DHH: variants seen among roughly 807,000 people sequenced by gnomAD.
DHH encodes the protein desert hedgehog protein.
Under a neutral mutation model 27.6 loss-of-function variants are expected in DHH, and 16 were observed. The observed-to-expected ratio is 0.58, with a 90% CI of 0.39 to 0.88. The LOEUF (loss-of-function observed/expected upper bound fraction) is 0.88, where lower values mean the gene tolerates loss of function less well. Among genes scored for constraint, DHH ranks in the 40% least tolerant of loss-of-function variants. DHH has a pLI of 0.00. For synonymous variants in DHH, 289 were observed against 263.4 expected (o/e 1.10, Z -0.94); for missense variants, 436 against 563.1 (o/e 0.77, Z 2.28).
At position 49,089,940 on chromosome 12, in the gene DHH, G is replaced by T; in HGVS notation, c.1110C>A (p.Leu370=). The stretch of plus-strand genomic sequence containing the variant: ...CAGTCGGCTGGACGGCCCCGCCGGG[G>T]AGCAGCGCCCCTAGCGCGTGCAGCA... ...LRLLHALGAL[L]PGGAVQPTGM... The change falls in exon 3 of 3, where the codon CTC becomes CTA. Residue 370 remains leucine (L), a synonymous_variant. Transcript: ENST00000649637. 4 of 1,583,628 alleles carry T rather than the reference G, an allele frequency of 2.5e-6. No homozygotes were observed. The highest frequency in any genetic ancestry group is 3.4e-6 in the Non-Finnish European group (4 of 1,165,904).
intron 1 of DHH, among the ~76,000 whole-genome samples, chr12:49,092,527 C>A (rs1257311142): frequency 6.6e-6 from 1 of 152,216 alleles, no homozygotes; most frequent in Non-Finnish European, 1.5e-5. Flanking sequence ...GACCTCTCAC[C>A]TCGGACTTGG....
intron 1 of DHH, among the ~76,000 whole-genome samples, 194 bp downstream of exon 1, chr12:49,094,016 C>G (rs1053950235): frequency 1.3e-5 from 2 of 152,208 alleles, no homozygotes; most frequent in Admixed American, 6.5e-5. Context: ...CCATCCCAGA[C>G]TATTCTAGTC....
Position 49,090,073 on chromosome 12 carries a change from G to A in DHH, c.977C>T (p.Ala326Val). Residue 326 changes from alanine (A) to valine (V), a missense_variant, in exon 3 of 3, where the codon GCG (alanine) becomes GTG (valine). Ala to Val is a moderately conservative substitution (Grantham distance 64, BLOSUM62 0). Transcript: ENST00000649637. The surrounding 1 kb of genome is among the most constrained non-coding windows in gnomAD (Gnocchi z 5.2). ...CAGCGTCCCGTGCGCGGTGAGCGGC[G>A]CGAACACGCCCACGGCTTCCTCCCG... Reference protein sequence around the residue: ...VAREEAVGVFAPLTAHGTLLV... With the variant: ...VAREEAVGVFVPLTAHGTLLV... The A allele has an allele frequency of 4.6e-6, 7 of 1,538,186 alleles. No homozygotes were observed. The highest frequency in any genetic ancestry group is 5.2e-6 in the Non-Finnish European group (6 of 1,143,042).
Position 49,093,585 on chromosome 12 carries a change from G to A in DHH, c.303+625C>T, listed in dbSNP as rs569850983. On this transcript the variant is annotated intron_variant, in intron 1 of 2. Coordinates refer to ENST00000649637, the MANE Select transcript of DHH (RefSeq NM_021044.4). ...GGTGGGTCCATCTGTTATTCTCACTGAGGATTACTTTTTAACCCCAAGATT... is the reference window on the plus strand; with the variant it reads ...GGTGGGTCCATCTGTTATTCTCACTAAGGATTACTTTTTAACCCCAAGATT... 2.6e-5 allele frequency among the ~76,000 whole-genome samples: 4 copies of A among 152,256 alleles called. No homozygotes were observed. In the South Asian group the frequency reaches 8.3e-4, roughly 32 times the overall value.
In DHH at chr12:49,088,069, ACT is replaced by A; in HGVS notation, c.*1788_*1789del. Among the ~76,000 whole-genome samples, 1 of 152,166 alleles carries A rather than the reference ACT, an allele frequency of 6.6e-6. No homozygotes were observed. The highest frequency in any genetic ancestry group is 3.4e-3 in the Middle Eastern group (1 of 294). ...ATGCTTTCACCTCCTTGACAATTGA[ACT>A]CAAGGGTCATGAGGGTGAGGGACAT... On this transcript the variant is annotated 3_prime_UTR_variant, in exon 3 of 3. Transcript: ENST00000649637.
Position 49,090,673 on chromosome 12 carries a change from A to G in DHH, c.566-189T>C, listed in dbSNP as rs894123862. ...TTCCTTTTTCTTCTCTTTTCTATGT[A>G]TGTATGTATGTATGTATGTATGTAT... On this transcript the variant is annotated intron_variant, in intron 2 of 2. Coordinates refer to ENST00000649637, the MANE Select transcript of DHH (RefSeq NM_021044.4). The surrounding 1 kb of genome is among the most constrained non-coding windows in gnomAD (Gnocchi z 5.2). 7.3e-6 allele frequency among the ~76,000 whole-genome samples: 1 copy of G among 137,456 alleles called. No individual in the cohort carries two copies. Among genetic ancestry groups the G allele is most frequent in the African/African-American group, 2.8e-5 (1 of 35,624 alleles). The allele number at this position is 137,456 out of a possible 152,430, so 90.2% of individuals were successfully genotyped here.
At position 49,091,353 on chromosome 12, in the gene DHH, C is replaced by T. The variant is rs151266946; in HGVS notation, c.340G>A (p.Val114Met). ...CGCACTCCGGGCCACATGTTCATCA[C>T]GGCAATGGCCAAAGCGTTCACCCGC... ...KERVNALAIAVMNMWPGVRLR... is the reference protein window; with the variant it reads ...KERVNALAIAMMNMWPGVRLR... Residue 114 changes from valine (V) to methionine (M), a missense_variant, in exon 2 of 3, where the codon GTG becomes ATG. Transcript: ENST00000649637. The surrounding 1 kb of genome is among the most constrained non-coding windows in gnomAD (Gnocchi z 4.8). 5.2e-5 allele frequency: 84 copies of T among 1,614,096 alleles called. No homozygotes were observed. Among genetic ancestry groups the T allele is most frequent in the Non-Finnish European group, 6.9e-5 (81 of 1,180,048 alleles).
rs563905092 is a variant in DHH, at chr12:49,086,965, G to A, written c.*2894C>T. 6.6e-6 allele frequency among the ~76,000 whole-genome samples: 1 copy of A among 152,316 alleles called. No individual in the cohort carries two copies. Among genetic ancestry groups the A allele is most frequent in the African/African-American group, 2.4e-5 (1 of 41,582 alleles). The stretch of plus-strand genomic sequence containing the variant: ...GTCAGTCAGAAGTGGCCAAAGAATA[G>A]AAAACATTTACTGAGCGCCTACTCC... On this transcript the variant is annotated 3_prime_UTR_variant, in exon 3 of 3. Transcript: ENST00000649637.
chr12:49,090,361 G>C lies in DHH; in HGVS notation c.689C>G (p.Ala230Gly). 1 of 1,608,878 alleles carries C rather than the reference G, an allele frequency of 6.2e-7. No individual in the cohort carries two copies. The highest frequency in any genetic ancestry group is 1.1e-5 in the South Asian group (1 of 90,264). ...HRGDWVLAAD[A>G]SGRVVPTPVL... The stretch of plus-strand genomic sequence containing the variant: ...CGGCGTGGGCACCACCCGGCCTGAC[G>C]CATCGGCCGCCAAAACCCAGTCTCC... Residue 230 changes from alanine to glycine, a missense_variant, in exon 3 of 3, where the codon GCG becomes GGG. Physicochemically the swap from Ala to Gly is moderately conservative, Grantham distance 60. Transcript: ENST00000649637. The surrounding 1 kb of genome is among the most constrained non-coding windows in gnomAD (Gnocchi z 5.2).
intron 1 of DHH, chr12:49,092,427 C>T (rs1192312261): frequency 1.3e-5 from 2 of 152,270 alleles, no homozygotes; most frequent in Non-Finnish European, 1.5e-5. Flanking sequence ...GCCGCTCCAG[C>T]CTGGGAGCGG....
Position 49,091,013 on chromosome 12 carries a change from T to G in DHH, c.565+115A>C. On this transcript the variant is annotated intron_variant, in intron 2 of 2. Transcript: ENST00000649637. The surrounding 1 kb of genome is among the most constrained non-coding windows in gnomAD (Gnocchi z 4.8). ...CACCGCCTCGGCCTGGACGGGTGGTTTTCAACACTAAAGCCCGCTTGGTCT... is the reference window on the plus strand; with the variant it reads ...CACCGCCTCGGCCTGGACGGGTGGTGTTCAACACTAAAGCCCGCTTGGTCT... 1 of 1,548,340 alleles carries G rather than the reference T, an allele frequency of 6.5e-7. No homozygotes were observed. The highest frequency in any genetic ancestry group is 8.9e-7 in the Non-Finnish European group (1 of 1,123,856).
In DHH at chr12:49,094,426, CG is replaced by C. The variant is rs1939363707; in HGVS notation, c.86del (p.Pro29ArgfsTer70). On this transcript the variant is annotated frameshift_variant, in exon 1 of 3. Coordinates refer to ENST00000649637, the MANE Select transcript of DHH (RefSeq NM_021044.4). LOFTEE classifies it high-confidence loss of function. ...PAQSCGPGRG[P>X]VGRRRYARKQ... is the part of the protein sequence containing the mutation. ...TGCGCGCATAGCGGCGCCGGCCAAC[CG>C]GCCCCCGGCCCGGCCCGCAGCTCTG... 6.2e-7 allele frequency: 1 copy of C among 1,605,946 alleles called. No individual in the cohort carries two copies. Among genetic ancestry groups the C allele is most frequent in the Admixed American group, 1.7e-5 (1 of 59,000 alleles).
At chr12:49,094,050 C>T (rs892656960) in intron 1 of DHH, among the ~76,000 whole-genome samples, 160 bp downstream of exon 1, 3 of 152,194 alleles carry the variant, frequency 2.0e-5, no homozygotes, top group Admixed American at 6.5e-5. Flanking sequence ...ATTACTCTGT[C>T]CAGACTGCAA....
rs994912276 is a variant in DHH at position 49,094,434 on chromosome 12, G to T, written c.79C>A (p.Arg27=). 3.1e-6 allele frequency: 5 copies of T among 1,603,914 alleles called. No individual in the cohort carries two copies. The African/African-American group carries it at 6.7e-5, about 21-fold the overall frequency. Reference sequence around the variant, plus strand: ...TAGCGGCGCCGGCCAACCGGCCCCCGGCCCGGCCCGCAGCTCTGGGCTGGC... The same window carrying T: ...TAGCGGCGCCGGCCAACCGGCCCCCTGCCCGGCCCGCAGCTCTGGGCTGGC... ...ALPAQSCGPG[R]GPVGRRRYAR... The change falls in exon 1 of 3, where the codon CGG becomes AGG. Residue 27 remains arginine, a synonymous_variant. Transcript: ENST00000649637.
chr12:49,094,554 CACTA>C lies in DHH; in HGVS notation c.-46_-43del. ...GGCCAAAAGGGAGCGTTCTTGTCCT[CACTA>C]ACTCTCCTGTCAGTTAGGCATCTCC... is the stretch of plus-strand genomic sequence containing the variant. On this transcript the variant is annotated 5_prime_UTR_variant, in exon 1 of 3. Transcript: ENST00000649637. 7.1e-6 allele frequency: 11 copies of C among 1,544,846 alleles called. No homozygotes were observed. The highest frequency in any genetic ancestry group is 7.9e-6 in the Non-Finnish European group (9 of 1,142,292).
At chr12:49,093,048 A>ACAC (rs1467397254) in intron 1 of DHH, 7 of 152,128 alleles carry the variant, frequency 4.6e-5, no homozygotes, top group African/African-American at 1.7e-4. Flanking sequence ...CCCACTCCAT[A>ACAC]CACAATTAGG....
chr12:49,090,595 T>G lies in DHH; in HGVS notation c.566-111A>C. On this transcript the variant is annotated intron_variant, in intron 2 of 2. Transcript: ENST00000649637. The surrounding 1 kb of genome is among the most constrained non-coding windows in gnomAD (Gnocchi z 5.2). ...TGGACAACACAATTTTCCGTTAATC[T>G]GACTGGCCCCAACCTGGGCAGAAAA... 1 of 1,436,566 alleles carries G rather than the reference T, an allele frequency of 7.0e-7. No individual in the cohort carries two copies. Among genetic ancestry groups the G allele is most frequent in the Non-Finnish European group, 9.5e-7 (1 of 1,057,560 alleles). The allele number at this position is 1,436,566 out of a possible 1,614,324, so 89.0% of individuals were successfully genotyped here.
chr12:49,088,326 G>C lies in DHH; in HGVS notation c.*1533C>G, dbSNP rs1001560888. Among the ~76,000 whole-genome samples, 1 of 152,170 alleles carries C rather than the reference G, an allele frequency of 6.6e-6. No individual in the cohort carries two copies. Among genetic ancestry groups the C allele is most frequent in the Non-Finnish European group, 1.5e-5 (1 of 68,026 alleles). On this transcript the variant is annotated 3_prime_UTR_variant, in exon 3 of 3. Coordinates refer to ENST00000649637, the MANE Select transcript of DHH (RefSeq NM_021044.4). The stretch of plus-strand genomic sequence containing the variant: ...CCCACCCATCATCTCTCCCTCCTGG[G>C]AGCGGGCTCCTTTGCGCAGGTCCAG...
At position 49,090,175 on chromosome 12, in the gene DHH, C is replaced by T; in HGVS notation, c.875G>A (p.Arg292His). ...APGDFAPVFA[R>H]RLRAGDSVLA... ...CACCGAGTCCCCAGCGCGTAGCCGG[C>T]GCGCGAACACCGGTGCAAAGTCGCC... is the stretch of plus-strand genomic sequence containing the variant. Residue 292 changes from arginine to histidine, a missense_variant, in exon 3 of 3, where the codon CGC (arginine) becomes CAC (histidine). By Grantham distance (29) the Arg-to-His change is conservative. Coordinates refer to ENST00000649637, the MANE Select transcript of DHH (RefSeq NM_021044.4). The surrounding 1 kb of genome is among the most constrained non-coding windows in gnomAD (Gnocchi z 5.2). 1.9e-6 allele frequency: 3 copies of T among 1,545,292 alleles called. No individual in the cohort carries two copies. Among genetic ancestry groups the T allele is most frequent in the Non-Finnish European group, 2.6e-6 (3 of 1,144,158 alleles).
Sources: allele counts gnomAD v4.1 joint callset (sites outside exome capture counted in the v4.1 genomes callset), GRCh38; gene constraint gnomAD v4.1.1; non-coding constraint Gnocchi (gnomAD v3.1); transcripts MANE v1.5; gene names NCBI Gene and HGNC (gene_info 2026-07-23, HGNC 2026-07-21).